Variants in COL15A1 observed in about 807,000 individuals in gnomAD.
COL15A1 encodes collagen alpha-1(XV) chain.
In COL15A1, 111 loss-of-function variants were observed where a neutral mutation model predicts 165.9. That is an observed-to-expected ratio of 0.67 (90% CI 0.57 to 0.78). The LOEUF is 0.78. Ranked by LOEUF, COL15A1 falls within the 30% of genes least tolerant of loss-of-function variation. The pLI is 0.00. For missense variants in COL15A1, 1,745 were observed against 1,789.7 expected, an observed-to-expected ratio of 0.98 and a Z score of 0.45; for synonymous variants, 659 against 674.8, an observed-to-expected ratio of 0.98 and a Z score of 0.36.
Position 99,070,091 on chromosome 9 carries a change from A to T in COL15A1, c.*205A>T. ...TCAGATCAAAGACAAAATCTGATCC[A>T]TATATTGGTGCTAGATTCTGCAGGA... is the stretch of plus-strand genomic sequence containing the variant. On this transcript the variant is annotated 3_prime_UTR_variant, in exon 42 of 42. Transcript: ENST00000375001. The T allele has an allele frequency of 1.9e-6, 1 of 531,176 alleles. No homozygotes were observed. Among genetic ancestry groups the T allele is most frequent in the Non-Finnish European group, 3.3e-6 (1 of 302,584 alleles). 32.9% of individuals were successfully genotyped at this position (531,176 alleles called of 1,614,324 possible).
At chr9:99,023,315 T>C in intron 13 of COL15A1, 42 bp from the exon 14 acceptor site, 1 of 1,567,332 alleles carries the variant, frequency 6.4e-7, no homozygotes. Flanking sequence ...CCTTGGAGTC[T>C]GGCAGTTAAA....
intron 9 of COL15A1, among the ~76,000 whole-genome samples, chr9:99,008,630 G>T (rs926005251): frequency 6.6e-6 from 1 of 151,734 alleles, no homozygotes; most frequent in Non-Finnish European, 1.5e-5. Context: ...TTTTTTTGAG[G>T]CTGAGTTTCT....
rs1825874371 is a variant in COL15A1, at chr9:99,065,358, G to GAGACCAT, written c.3652-1521_3652-1515dup. Among the ~76,000 whole-genome samples the GAGACCAT allele has an allele frequency of 3.9e-5, 6 of 152,230 alleles. No homozygotes were observed. In the South Asian group the frequency reaches 8.3e-4, roughly 21 times the overall value. ...CAAAGCACACTGGTTGGAAGATGAT[G>GAGACCAT]AGACCATAGGGCTTCTTCCCTCAGG... On this transcript the variant is annotated intron_variant, in intron 39 of 41. Transcript: ENST00000375001.
chr9:99,059,592 C>A (rs769115109), intron 35 of COL15A1, among the ~76,000 whole-genome samples: 41 of 152,232 alleles, frequency 2.7e-4, no homozygotes, highest in Non-Finnish European at 5.7e-4. Context: ...AAATATTCAA[C>A]TTAAGCTGGC....
Position 99,040,505 on chromosome 9 carries a change from C to A in COL15A1, c.2476-16C>A. On this transcript the variant is annotated splice_polypyrimidine_tract_variant and intron_variant, in intron 22 of 41. Transcript: ENST00000375001. ...CCGCTCCTAATCCAGCGTGCTCTATCTTTGGTGTGTCACAGGGGCCGGACG... is the reference window on the plus strand; with the variant it reads ...CCGCTCCTAATCCAGCGTGCTCTATATTTGGTGTGTCACAGGGGCCGGACG... 1 of 1,614,178 alleles carries A rather than the reference C, an allele frequency of 6.2e-7. No homozygotes were observed. The highest frequency in any genetic ancestry group is 8.5e-7 in the Non-Finnish European group (1 of 1,180,040).
At chr9:99,062,129 C>A (rs1365945794) in intron 37 of COL15A1, 30 bp downstream of exon 37, 1 of 1,611,350 alleles carries the variant, frequency 6.2e-7, no homozygotes, top group African/African-American at 1.3e-5. Context: ...TAACACACTG[C>A]CTTCAAATAC....
At chr9:98,946,388 AGGGGTTCCAT>A (rs1386632804) in intron 2 of COL15A1, among the ~76,000 whole-genome samples, 2 of 152,144 alleles carry the variant, frequency 1.3e-5, no homozygotes, top group East Asian at 3.9e-4. Context: ...AGAAGGCTTT[AGGGGTTCCAT>A]GGTCTCCAAT....
chr9:99,035,809 C>T (rs1023579105), intron 19 of COL15A1, among the ~76,000 whole-genome samples: 5 of 152,204 alleles, frequency 3.3e-5, no homozygotes, highest in African/African-American at 9.6e-5. Flanking sequence ...CTCCCTACTG[C>T]CTCCAGCCCC....
intron 13 of COL15A1, 109 bp downstream of exon 13, chr9:99,022,259 G>C (rs927381811): frequency 1.1e-5 from 16 of 1,412,746 alleles, no homozygotes; most frequent in South Asian, 2.4e-5. Context: ...GTATCTTGCA[G>C]TCAGACCCTA....
Position 99,000,911 on chromosome 9 carries a change from G to A in COL15A1, c.1025G>A (p.Gly342Asp). ...GATGGTGACCCCATTACTGACAGCG[G>A]CTCAGGGGCTGGGGCCTTCCTTGAC... ...SVDGDPITDSGSGAGAFLDIA... is the reference protein window; with the variant it reads ...SVDGDPITDSDSGAGAFLDIA... Residue 342 changes from glycine (G) to aspartate (D), a missense_variant, in exon 7 of 42, where the codon GGC (glycine) becomes GAC (aspartate). Coordinates refer to ENST00000375001, the MANE Select transcript of COL15A1 (RefSeq NM_001855.5). The A allele has an allele frequency of 1.2e-6, 2 of 1,600,172 alleles. No homozygotes were observed. The highest frequency in any genetic ancestry group is 1.3e-5 in the African/African-American group (1 of 74,736).
chr9:99,015,947 T>C (rs777962119), intron 10 of COL15A1, 29 bp from the exon 11 acceptor site: 2 of 1,607,860 alleles, frequency 1.2e-6, no homozygotes, highest in South Asian at 1.1e-5. Context: ...CGAGGTGAGG[T>C]GGTGCCTTAA....
intron 2 of COL15A1, among the ~76,000 whole-genome samples, chr9:98,962,874 AC>A (rs1837885455): frequency 6.6e-6 from 1 of 152,210 alleles, no homozygotes; most frequent in African/African-American, 2.4e-5. Context: ...GAGGGAAGGA[AC>A]TTGTCTATCA....
chr9:99,035,103 T>C lies in COL15A1; in HGVS notation c.2169T>C (p.Pro723=). 3 of 1,607,412 alleles carry C rather than the reference T, an allele frequency of 1.9e-6. No individual in the cohort carries two copies. Among genetic ancestry groups the C allele is most frequent in the Non-Finnish European group, 2.6e-6 (3 of 1,175,294 alleles). The change falls in exon 18 of 42, where the codon CCT becomes CCC. Residue 723 remains proline (P), a synonymous_variant. Coordinates refer to ENST00000375001, the MANE Select transcript of COL15A1 (RefSeq NM_001855.5). ...GGGTCATGGGACCCCCAGGGCCTCC[T>C]GGACCCCCTGGGCCCCCAGGCCCTG... ...PPGVMGPPGP[P]GPPGPPGPGC...
chr9:98,946,168 A>G (rs536861110), intron 2 of COL15A1, among the ~76,000 whole-genome samples: 5 of 152,240 alleles, frequency 3.3e-5, no homozygotes, highest in Non-Finnish European at 5.9e-5. Flanking sequence ...AGGTGTGAAC[A>G]TGTTCATATT....
At chr9:99,032,166 T>A (rs574510129) in intron 16 of COL15A1, among the ~76,000 whole-genome samples, 5 of 152,034 alleles carry the variant, frequency 3.3e-5, no homozygotes, top group Non-Finnish European at 7.4e-5. Context: ...TGTTACTAAA[T>A]GTGGATTATT....
chr9:99,021,967 G>A (rs1209898013), intron 12 of COL15A1, 124 bp from the exon 13 acceptor site: 1 of 1,330,910 alleles, frequency 7.5e-7, no homozygotes, highest in Non-Finnish European at 1.1e-6. Context: ...TCTCTGCAAA[G>A]GACAATGCCA....
At chr9:99,025,223 C>G (rs1839103496) in intron 15 of COL15A1, among the ~76,000 whole-genome samples, 1 of 152,228 alleles carries the variant, frequency 6.6e-6, no homozygotes, top group Non-Finnish European at 1.5e-5. Flanking sequence ...GCTGCTTTAT[C>G]ATAGTCAATA....
rs778697709 is a variant in COL15A1 at position 98,997,016 on chromosome 9, C to T, written c.887C>T (p.Pro296Leu). 1.2e-6 allele frequency: 2 copies of T among 1,614,114 alleles called. No homozygotes were observed. Among genetic ancestry groups the T allele is most frequent in the Non-Finnish European group, 1.7e-6 (2 of 1,180,050 alleles). The stretch of plus-strand genomic sequence containing the variant: ...GAAGACATGGAACTTTCTGGTGAAC[C>T]TGTACCCGAGGGGACCCTGGAAACC... ...PFEDMELSGEPVPEGTLETTN... is the reference protein window; with the variant it reads ...PFEDMELSGELVPEGTLETTN... The change falls in exon 6 of 42, where the codon CCT becomes CTT. Residue 296 changes from proline (P) to leucine (L), a missense_variant. Physicochemically the swap from Pro to Leu is moderately conservative, Grantham distance 98. Transcript: ENST00000375001.
At chr9:98,998,870 C>T (rs1178371037) in intron 6 of COL15A1, among the ~76,000 whole-genome samples, 1 of 152,202 alleles carries the variant, frequency 6.6e-6, no homozygotes, top group Non-Finnish European at 1.5e-5. Context: ...TCCTTTTCTT[C>T]TTGATGTGTA....
Sources: allele counts gnomAD v4.1 joint callset (sites outside exome capture counted in the v4.1 genomes callset), GRCh38; gene constraint gnomAD v4.1.1; transcripts MANE v1.5; gene names NCBI Gene and HGNC (gene_info 2026-07-23, HGNC 2026-07-21).